The following STAG1 variants were observed in gnomAD, a reference collection of about 807,000 sequenced individuals.
STAG1 encodes STAG1 cohesin complex component.
Under a neutral mutation model 170.9 loss-of-function variants are expected in STAG1, and 26 were observed. The ratio of observed to expected loss-of-function variants is 0.15; its 90% CI spans 0.11 to 0.21. STAG1 has a LOEUF of 0.21. Ranked by LOEUF, STAG1 falls within the 10% of genes least tolerant of loss-of-function variation. The pLI is 1.00. For missense variants in STAG1, 964 were observed against 1,509.5 expected (o/e 0.64, Z 5.99); for synonymous variants, 514 against 497.7 (o/e 1.03, Z -0.44).
chr3:136,745,797 C>G (rs1431209560), intron 1 of STAG1, among the ~76,000 whole-genome samples: 1 of 151,950 alleles, frequency 6.6e-6, no homozygotes, highest in Non-Finnish European at 1.5e-5. Flanking sequence ...GTAGGCCATA[C>G]ATAAAATACA....
At chr3:136,522,011 T>C (rs1419814824) in intron 6 of STAG1, among the ~76,000 whole-genome samples, 2 of 152,218 alleles carry the variant, frequency 1.3e-5, no homozygotes, top group Admixed American at 1.3e-4. Flanking sequence ...GAGTTCTTGA[T>C]ATCACCAGGT....
At chr3:136,729,877 CTTTTTTTTTTTTTTT>C (rs36212432) in intron 1 of STAG1, among the ~76,000 whole-genome samples, 6 of 58,512 alleles carry the variant, frequency 1.0e-4, no homozygotes, top group Admixed American at 2.4e-4. Context: ...CCACGCCAGG[CTTTTTTTTTTTTTTT>C]TTTTTTTTTT....
chr3:136,734,683 T>C (rs1483200276), intron 1 of STAG1, among the ~76,000 whole-genome samples: 1 of 152,162 alleles, frequency 6.6e-6, no homozygotes, highest in Admixed American at 6.6e-5. Context: ...TTAACCCTAT[T>C]GGTTTGTTTT....
rs199611585 is a variant in STAG1, at chr3:136,604,486, TAA to T, written c.133-15_133-14del. On this transcript the variant is annotated splice_polypyrimidine_tract_variant and intron_variant, in intron 3 of 33. Coordinates refer to ENST00000383202, the MANE Select transcript of STAG1 (RefSeq NM_005862.3). Reference sequence around the variant, plus strand: ...TCTTATTTGTAGACTGAAAAAAAGATAAAAAAAGATTCCATTCGATTAGGTTT... The same window carrying T: ...TCTTATTTGTAGACTGAAAAAAAGATAAAAAGATTCCATTCGATTAGGTTT... 2 of 1,583,442 alleles carry T rather than the reference TAA, an allele frequency of 1.3e-6. No individual in the cohort carries two copies. The highest frequency in any genetic ancestry group is 1.7e-6 in the Non-Finnish European group (2 of 1,170,322).
rs199588255 is a variant in STAG1, at chr3:136,399,464, C to G, written c.2197-635G>C. On this transcript the variant is annotated intron_variant, in intron 21 of 33. Transcript: ENST00000383202. ...CTAGTTTTTTACGCATATCGTTGAA[C>G]AGTACATAAACGTAATCATACCATA... Among the ~76,000 whole-genome samples, 626 of 152,276 alleles carry G rather than the reference C, an allele frequency of 4.1e-3. 29 individuals are homozygous for G. The East Asian group carries it at 0.11, about 26-fold the overall frequency.
intron 1 of STAG1, among the ~76,000 whole-genome samples, chr3:136,667,536 T>C (rs1192334871): frequency 1.3e-5 from 2 of 152,188 alleles, no homozygotes; most frequent in African/African-American, 2.4e-5. Context: ...TTTCATTTTG[T>C]GCATTTCTGT....
At chr3:136,667,268 T>C (rs1025152797) in intron 1 of STAG1, among the ~76,000 whole-genome samples, 2 of 152,104 alleles carry the variant, frequency 1.3e-5, no homozygotes, top group African/African-American at 4.8e-5. Context: ...CTATCTAAAG[T>C]TGGATGTGGT....
At chr3:136,640,720 T>TG (rs1940761325) in intron 1 of STAG1, among the ~76,000 whole-genome samples, 1 of 149,858 alleles carries the variant, frequency 6.7e-6, no homozygotes, top group African/African-American at 2.5e-5. Flanking sequence ...CCACCCAGGT[T>TG]GGGGTACAGT....
At chr3:136,372,470 A>G (rs1937395341) in intron 23 of STAG1, among the ~76,000 whole-genome samples, 1 of 152,148 alleles carries the variant, frequency 6.6e-6, no homozygotes, top group Non-Finnish European at 1.5e-5. Flanking sequence ...ATCCAGTATG[A>G]TATTGACTGT....
intron 12 of STAG1, among the ~76,000 whole-genome samples, chr3:136,471,652 T>G (rs2089631407): frequency 6.6e-6 from 1 of 152,172 alleles, no homozygotes; most frequent in Non-Finnish European, 1.5e-5. Flanking sequence ...CTCACATAGA[T>G]TCTTGCTAGT....
intron 13 of STAG1, among the ~76,000 whole-genome samples, chr3:136,458,568 A>G (rs2089184925): frequency 6.6e-6 from 1 of 152,228 alleles, no homozygotes. Flanking sequence ...AAAATATATT[A>G]TTAGATAACT....
intron 22 of STAG1, among the ~76,000 whole-genome samples, chr3:136,385,349 A>G (rs2086843610): frequency 2.0e-5 from 3 of 152,102 alleles, no homozygotes; most frequent in Admixed American, 2.0e-4. Context: ...CTGAGGCGGG[A>G]GGATCTCTTG....
intron 13 of STAG1, among the ~76,000 whole-genome samples, chr3:136,462,443 G>A (rs2089300346): frequency 6.6e-6 from 1 of 152,084 alleles, no homozygotes; most frequent in Admixed American, 6.6e-5. Flanking sequence ...AGCACAGAAG[G>A]ACAAATATCT....
chr3:136,729,166 TTTTG>T (rs1412980213), intron 1 of STAG1, among the ~76,000 whole-genome samples: 1 of 150,468 alleles, frequency 6.6e-6, no homozygotes. Flanking sequence ...TGTGTGGTTT[TTTTG>T]TTTTTGTTTT....
At chr3:136,566,342 G>A (rs7633510) in intron 5 of STAG1, among the ~76,000 whole-genome samples, 1 of 152,124 alleles carries the variant, frequency 6.6e-6, no homozygotes, top group African/African-American at 2.4e-5. Flanking sequence ...TGTGGAAGAG[G>A]GCCCTCACAA....
chr3:136,439,456 A>T (rs1457849848), intron 15 of STAG1, among the ~76,000 whole-genome samples: 2 of 149,622 alleles, frequency 1.3e-5, no homozygotes, highest in Non-Finnish European at 3.0e-5. Context: ...ACTGTAAGAC[A>T]GTCTTAAGGC....
At chr3:136,397,114 G>A (rs2087186322) in intron 22 of STAG1, among the ~76,000 whole-genome samples, 1 of 152,148 alleles carries the variant, frequency 6.6e-6, no homozygotes, top group Non-Finnish European at 1.5e-5. Flanking sequence ...TAAACAGCTT[G>A]TTTTGTTAAG....
At chr3:136,477,262 A>C (rs1347793517) in intron 10 of STAG1, 27 bp downstream of exon 10, 1 of 1,572,786 alleles carries the variant, frequency 6.4e-7, no homozygotes, top group East Asian at 2.3e-5. Flanking sequence ...CATAACTTCC[A>C]TCAAAGCTTA....
intron 3 of STAG1, among the ~76,000 whole-genome samples, chr3:136,616,073 C>G (rs958724527): frequency 2.6e-5 from 4 of 151,970 alleles, no homozygotes; most frequent in African/African-American, 9.7e-5. Context: ...TCAAGACCAT[C>G]CTGGTTAACA....
Sources: gnomAD v4.1 joint callset for allele counts (sites outside exome capture counted in the v4.1 genomes callset) on GRCh38, gnomAD v4.1.1 for gene constraint, MANE v1.5 for transcripts, NCBI Gene and HGNC (gene_info 2026-07-23, HGNC 2026-07-21) for gene names.